ATRNL1: variants seen among roughly 807,000 people sequenced by gnomAD.
ATRNL1 encodes attractin-like protein 1.
In ATRNL1, 95 loss-of-function variants were observed where a neutral mutation model predicts 182.7. The observed-to-expected ratio is 0.52, with a 90% CI of 0.44 to 0.62. The LOEUF (loss-of-function observed/expected upper bound fraction) is 0.62, where lower values mean the gene tolerates loss of function less well. Among genes scored for constraint, ATRNL1 ranks in the 20% least tolerant of loss-of-function variants. The probability of loss-of-function intolerance (pLI) is 0.00; values close to 1 mark genes in which losing one functional copy is unlikely to be tolerated. For missense variants in ATRNL1, 1,471 were observed against 1,679.5 expected, an observed-to-expected ratio of 0.88 and a Z score of 2.17; for synonymous variants, 576 against 568.3, an observed-to-expected ratio of 1.01 and a Z score of -0.19.
intron 26 of ATRNL1, among the ~76,000 whole-genome samples, chr10:115,645,654 G>A (rs1381722304): frequency 1.3e-5 from 2 of 151,778 alleles, no homozygotes; most frequent in Non-Finnish European, 2.9e-5. Flanking sequence ...GTTCCATGTG[G>A]ATCCCTAGTA....
At chr10:115,195,810 T>G (rs1232973566) in intron 8 of ATRNL1, among the ~76,000 whole-genome samples, 1 of 152,090 alleles carries the variant, frequency 6.6e-6, no homozygotes, top group Non-Finnish European at 1.5e-5. Context: ...TTTTGATGAA[T>G]TACCACTTAT....
intron 21 of ATRNL1, among the ~76,000 whole-genome samples, chr10:115,451,697 TATGGC>T (rs1847289991): frequency 6.6e-6 from 1 of 152,150 alleles, no homozygotes; most frequent in African/African-American, 2.4e-5. Context: ...TGGAAAGCAG[TATGGC>T]AATTCCTCAA....
rs1850906253 is a variant in ATRNL1, at chr10:115,521,138, T to TTGTTG, written c.3716+1815_3716+1816insGTTGT. On this transcript the variant is annotated intron_variant, in intron 25 of 28. Coordinates refer to ENST00000355044, the MANE Select transcript of ATRNL1 (RefSeq NM_207303.4). ...CATTATTGAATGCATTAAAACAACTTTTGTTGTTGTTGTTGTTGTTGTTGT... is the reference window on the plus strand; with the variant it reads ...CATTATTGAATGCATTAAAACAACTTTGTTGTTGTTGTTGTTGTTGTTGTTGTTGT... Among the ~76,000 whole-genome samples, 4 of 149,072 alleles carry TTGTTG rather than the reference T, an allele frequency of 2.7e-5. No individual in the cohort carries two copies. In the East Asian group the frequency reaches 5.9e-4, roughly 22 times the overall value.
Position 115,389,540 on chromosome 10 carries a change from G to GTATATATA in ATRNL1, c.3176-5075_3176-5068dup, listed in dbSNP as rs58155967. On this transcript the variant is annotated intron_variant, in intron 19 of 28. Coordinates refer to ENST00000355044, the MANE Select transcript of ATRNL1 (RefSeq NM_207303.4). ...CTGAATAGTATTCAAATGTGTATGTGTATATATATATATATATATATATAT... is the reference window on the plus strand; with the variant it reads ...CTGAATAGTATTCAAATGTGTATGTGTATATATATATATATATATATATATATATATAT... 4.5e-4 allele frequency among the ~76,000 whole-genome samples: 20 copies of GTATATATA among 44,480 alleles called. 3 individuals carry two copies. Among genetic ancestry groups the GTATATATA allele is most frequent in the Non-Finnish European group, 7.2e-4 (17 of 23,662 alleles). The allele number at this position is 44,480 out of a possible 152,430, so 29.2% of individuals were successfully genotyped here. A position where few individuals can be genotyped will look rare whatever the true frequency, so the allele number is the denominator to read the frequency against.
At chr10:115,419,317 T>C (rs567746910) in intron 20 of ATRNL1, among the ~76,000 whole-genome samples, 81 of 152,250 alleles carry the variant, frequency 5.3e-4, no homozygotes, top group African/African-American at 1.9e-3. Context: ...TAAAACACAT[T>C]ACTAGAGTGA....
chr10:115,734,532 A>G (rs73377574), intron 27 of ATRNL1, among the ~76,000 whole-genome samples: 4,524 of 152,170 alleles, frequency 0.03, 243 homozygotes, highest in African/African-American at 0.1. Context: ...ATCTGATTAT[A>G]TGAGAAATAT....
chr10:115,884,766 G>A (rs1167641074), intron 28 of ATRNL1, among the ~76,000 whole-genome samples: 2 of 152,132 alleles, frequency 1.3e-5, no homozygotes, highest in African/African-American at 4.8e-5. Flanking sequence ...AATATCCCAG[G>A]TACCTGGGAA....
chr10:115,441,767 A>G (rs1554965768), intron 21 of ATRNL1, among the ~76,000 whole-genome samples: 2 of 151,982 alleles, frequency 1.3e-5, no homozygotes, highest in African/African-American at 4.8e-5. Context: ...TCATTTCAGT[A>G]AATGTACATA....
At chr10:115,312,666 G>A (rs1177608687) in intron 17 of ATRNL1, among the ~76,000 whole-genome samples, 1 of 152,094 alleles carries the variant, frequency 6.6e-6, no homozygotes, top group Non-Finnish European at 1.5e-5. Flanking sequence ...AGCAAGGCCA[G>A]GGGTGTTTTT....
chr10:115,816,974 C>G (rs1357853352), intron 27 of ATRNL1, among the ~76,000 whole-genome samples: 1 of 152,066 alleles, frequency 6.6e-6, no homozygotes, highest in Admixed American at 6.6e-5. Flanking sequence ...CTAACTGTTC[C>G]TCTTCCTACT....
intron 19 of ATRNL1, among the ~76,000 whole-genome samples, chr10:115,365,273 A>G (rs1288438447): frequency 2.6e-5 from 4 of 152,120 alleles, no homozygotes; most frequent in Non-Finnish European, 5.9e-5. Context: ...CGAGGAATTT[A>G]TCCATTTCTT....
chr10:115,579,080 T>C lies in ATRNL1; in HGVS notation c.3795+29544T>C, dbSNP rs571584661. Among the ~76,000 whole-genome samples, 3 of 151,946 alleles carry C rather than the reference T, an allele frequency of 2.0e-5. No homozygotes were observed. In the East Asian group the frequency reaches 5.8e-4, roughly 29 times the overall value. ...TCAGAAAAGATTCTTGATATGATTT[T>C]GATCTTCTTAAATTTGTTAAGAATT... On this transcript the variant is annotated intron_variant, in intron 26 of 28. Coordinates refer to ENST00000355044, the MANE Select transcript of ATRNL1 (RefSeq NM_207303.4).
intron 18 of ATRNL1, among the ~76,000 whole-genome samples, chr10:115,326,175 C>G (rs893075721): frequency 6.6e-6 from 1 of 152,056 alleles, no homozygotes; most frequent in Non-Finnish European, 1.5e-5. Context: ...GATTGTATAT[C>G]GAGAAAACCC....
chr10:115,760,727 T>G (rs1948714492), intron 27 of ATRNL1, among the ~76,000 whole-genome samples: 1 of 152,104 alleles, frequency 6.6e-6, no homozygotes, highest in Admixed American at 6.5e-5. Context: ...CAGAAACAGA[T>G]AGAAGATAGT....
At chr10:115,576,645 C>T (rs540454683) in intron 26 of ATRNL1, among the ~76,000 whole-genome samples, 3 of 152,110 alleles carry the variant, frequency 2.0e-5, no homozygotes, top group South Asian at 4.1e-4. Context: ...ACCCCTTACA[C>T]GTACATGGTT....
intron 28 of ATRNL1, among the ~76,000 whole-genome samples, chr10:115,877,042 G>A (rs552252501): frequency 1.1e-4 from 16 of 152,282 alleles, no homozygotes; most frequent in African/African-American, 3.9e-4. Flanking sequence ...TGCTTTATAA[G>A]CAATTGTAAA....
chr10:115,905,374 C>T, intron 28 of ATRNL1, among the ~76,000 whole-genome samples: 1 of 148,650 alleles, frequency 6.7e-6, no homozygotes, highest in East Asian at 1.9e-4. Context: ...GCCTATACCA[C>T]CACACCCAGC....
At chr10:115,152,227 GTAGTTTTT>G (rs1231295264) in intron 5 of ATRNL1, among the ~76,000 whole-genome samples, 2 of 152,174 alleles carry the variant, frequency 1.3e-5, no homozygotes, top group Non-Finnish European at 2.9e-5. Context: ...GAACTTTAAA[GTAGTTTTT>G]TTCCAATTCT....
chr10:115,623,242 G>A (rs1237311932), intron 26 of ATRNL1, among the ~76,000 whole-genome samples: 1 of 152,094 alleles, frequency 6.6e-6, no homozygotes, highest in Non-Finnish European at 1.5e-5. Context: ...ATATGACACC[G>A]AAAAGCAAGT....
Sources: gnomAD v4.1 joint callset for allele counts (sites outside exome capture counted in the v4.1 genomes callset) on GRCh38, gnomAD v4.1.1 for gene constraint, MANE v1.5 for transcripts, NCBI Gene and HGNC (gene_info 2026-07-23, HGNC 2026-07-21) for gene names.